DSCAM: variants seen among roughly 807,000 people sequenced by gnomAD.
DSCAM encodes cell adhesion molecule DSCAM.
Under a neutral mutation model 217.7 loss-of-function variants are expected in DSCAM, and 47 were observed. The ratio of observed to expected loss-of-function variants is 0.22; its 90% confidence interval spans 0.17 to 0.28. The LOEUF (loss-of-function observed/expected upper bound fraction) is 0.28. Ranked by LOEUF, DSCAM falls within the 10% of genes least tolerant of loss-of-function variation. DSCAM has a pLI of 1.00. For synonymous variants in DSCAM, 1,056 were observed against 1,015.3 expected, an observed-to-expected ratio of 1.04 and a Z score of -0.76; for missense variants, 2,080 against 2,618.3, an observed-to-expected ratio of 0.79 and a Z score of 4.49.
chr21:40,327,111 T>C (rs1010885402), intron 8 of DSCAM, among the ~76,000 whole-genome samples: 1 of 152,076 alleles, frequency 6.6e-6, no homozygotes, highest in Non-Finnish European at 1.5e-5. Context: ...TTGAGAGTTG[T>C]TATTTCTGAC....
rs548407370 is a variant in DSCAM at position 40,725,780 on chromosome 21, C to T, written c.44-17009G>A. Among the ~76,000 whole-genome samples, 17 of 152,240 alleles carry T rather than the reference C, an allele frequency of 1.1e-4. No homozygotes were observed. In the East Asian group the frequency reaches 3.3e-3, roughly 29 times the overall value. On this transcript the variant is annotated intron_variant, in intron 1 of 32. Coordinates refer to ENST00000400454, the MANE Select transcript of DSCAM (RefSeq NM_001389.5). Reference sequence around the variant, plus strand: ...GACCTAGGAGTGTGGAGACCAAGGGCCTGCCTTTTCTGGACCTCAGTGTGC... The same window carrying T: ...GACCTAGGAGTGTGGAGACCAAGGGTCTGCCTTTTCTGGACCTCAGTGTGC...
intron 11 of DSCAM, among the ~76,000 whole-genome samples, chr21:40,275,065 C>T (rs2073668899): frequency 6.6e-6 from 1 of 151,990 alleles, no homozygotes; most frequent in African/African-American, 2.4e-5. Flanking sequence ...TGGCTTATGC[C>T]TGTAATCCCA....
intron 3 of DSCAM, among the ~76,000 whole-genome samples, chr21:40,691,878 A>G (rs778457639): frequency 6.6e-6 from 1 of 152,210 alleles, no homozygotes; most frequent in Non-Finnish European, 1.5e-5. Context: ...TAGCTAATCA[A>G]TAAGCTGAGA....
chr21:40,425,536 C>T (rs2075464714), intron 3 of DSCAM, among the ~76,000 whole-genome samples: 1 of 149,420 alleles, frequency 6.7e-6, no homozygotes, highest in African/African-American at 2.4e-5. Flanking sequence ...TTTTTACCCC[C>T]CCCTAAAAAA....
intron 3 of DSCAM, among the ~76,000 whole-genome samples, chr21:40,530,472 C>T (rs1470176464): frequency 6.6e-6 from 1 of 152,188 alleles, no homozygotes; most frequent in African/African-American, 2.4e-5. Context: ...AAAGTAAATG[C>T]TCTATCCCAT....
At chr21:40,305,990 T>C (rs2074070714) in intron 9 of DSCAM, among the ~76,000 whole-genome samples, 1 of 152,074 alleles carries the variant, frequency 6.6e-6, no homozygotes, top group Non-Finnish European at 1.5e-5. Flanking sequence ...AAGTCATTGG[T>C]AGCTTGATGG....
intron 5 of DSCAM, among the ~76,000 whole-genome samples, chr21:40,351,394 T>C (rs887501614): frequency 1.1e-4 from 17 of 152,312 alleles, no homozygotes; most frequent in African/African-American, 3.8e-4. Context: ...TATCCGACCC[T>C]GTTGTTTTGA....
chr21:40,553,470 C>T (rs1290680185), intron 3 of DSCAM, among the ~76,000 whole-genome samples: 2 of 152,224 alleles, frequency 1.3e-5, no homozygotes, highest in Non-Finnish European at 2.9e-5. Flanking sequence ...TATTTGTGTA[C>T]AGGACACATC....
chr21:40,768,135 A>G (rs1569027151), intron 1 of DSCAM, among the ~76,000 whole-genome samples: 2 of 152,260 alleles, frequency 1.3e-5, no homozygotes. Flanking sequence ...AGCATAGGCT[A>G]TAACTTCATT....
intron 3 of DSCAM, among the ~76,000 whole-genome samples, chr21:40,669,354 T>G (rs1020443520): frequency 6.6e-6 from 1 of 152,126 alleles, no homozygotes; most frequent in Non-Finnish European, 1.5e-5. Context: ...ACTTCCACAA[T>G]CCACGTGCCC....
At chr21:40,518,924 C>T (rs1193047889) in intron 3 of DSCAM, among the ~76,000 whole-genome samples, 12 of 151,986 alleles carry the variant, frequency 7.9e-5, no homozygotes, top group Non-Finnish European at 1.5e-4. Context: ...TAGCCTATTG[C>T]TCCTAAGCTA....
At chr21:40,445,467 G>A (rs2075667035) in intron 3 of DSCAM, among the ~76,000 whole-genome samples, 1 of 152,176 alleles carries the variant, frequency 6.6e-6, no homozygotes, top group Non-Finnish European at 1.5e-5. Flanking sequence ...CAGATTGGCA[G>A]GAAATCCTAA....
At chr21:40,451,600 T>C (rs548375196) in intron 3 of DSCAM, among the ~76,000 whole-genome samples, 1 of 152,232 alleles carries the variant, frequency 6.6e-6, no homozygotes, top group South Asian at 2.1e-4. Context: ...CTTTCTCAGT[T>C]GCATCAAACA....
At chr21:40,790,895 G>T (rs775224354) in intron 1 of DSCAM, among the ~76,000 whole-genome samples, 40 of 152,158 alleles carry the variant, frequency 2.6e-4, no homozygotes, top group Non-Finnish European at 4.9e-4. Flanking sequence ...ACATTCAATC[G>T]GCCAGGTGCA....
Position 40,814,169 on chromosome 21 carries a change from C to T in DSCAM, c.43+32450G>A, listed in dbSNP as rs759745865. Among the ~76,000 whole-genome samples, 12 of 152,284 alleles carry T rather than the reference C, an allele frequency of 7.9e-5. 1 individual carries two copies. Among genetic ancestry groups the T allele is most frequent in the South Asian group, 4.1e-4 (2 of 4,826 alleles). ...AATGCAACTGGAGCATACTAAACAA[C>T]AGCTTTATTTGTGGCCTCCAGCATG... On this transcript the variant is annotated intron_variant, in intron 1 of 32. Transcript: ENST00000400454.
chr21:40,594,977 T>C (rs1207156994), intron 3 of DSCAM, among the ~76,000 whole-genome samples: 1 of 152,190 alleles, frequency 6.6e-6, no homozygotes, highest in Non-Finnish European at 1.5e-5. Flanking sequence ...CAACACTTAC[T>C]GGGTGCACCT....
chr21:40,461,440 T>C (rs958616619), intron 3 of DSCAM, among the ~76,000 whole-genome samples: 11 of 152,188 alleles, frequency 7.2e-5, no homozygotes, highest in Admixed American at 1.3e-4. Context: ...AGATACTTTA[T>C]TTCCCTGGGT....
chr21:40,700,900 C>A (rs915898429), intron 2 of DSCAM, among the ~76,000 whole-genome samples: 2 of 151,994 alleles, frequency 1.3e-5, no homozygotes, highest in African/African-American at 4.8e-5. Flanking sequence ...CCACACTTGA[C>A]TGATTTTTGT....
In DSCAM at chr21:40,312,243, C is replaced by T; in HGVS notation, c.1900G>A (p.Gly634Ser). 6.2e-7 allele frequency: 1 copy of T among 1,614,126 alleles called. No homozygotes were observed. Among genetic ancestry groups the T allele is most frequent in the Non-Finnish European group, 8.5e-7 (1 of 1,180,016 alleles). ...LPITITWQKD[G>S]RPIPGSLGVT... The stretch of plus-strand genomic sequence containing the variant: ...CCAAGGCTCCCAGGGATTGGCCGGC[C>T]ATCCTTCTGCCAGGTGATCGTGATG... Residue 634 changes from glycine to serine, a missense_variant, in exon 9 of 33, where the codon GGC becomes AGC. By Grantham distance (56) the Gly-to-Ser change is moderately conservative. Around this residue, in one of 5 missense-constraint regions of DSCAM, gnomAD observed 218 missense variants for 364.1 expected, o/e 0.60. Transcript: ENST00000400454.
Sources: gnomAD v4.1 joint callset for allele counts (sites outside exome capture counted in the v4.1 genomes callset) on GRCh38, gnomAD v4.1.1 for gene constraint, gnomAD v4.1.1 regional missense constraint, MANE v1.5 for transcripts, NCBI Gene and HGNC (gene_info 2026-07-23, HGNC 2026-07-21) for gene names.